AOAH: variants seen among roughly 807,000 people sequenced by gnomAD.
AOAH encodes the protein acyloxyacyl hydrolase (neutrophil).
In AOAH, 64 loss-of-function variants were observed where a neutral mutation model predicts 92.2. The observed-to-expected ratio is 0.69, with a 90% CI of 0.57 to 0.86. AOAH has a LOEUF of 0.86. Ranked by LOEUF, AOAH falls within the 40% of genes least tolerant of loss-of-function variation. The pLI, the probability that AOAH is intolerant of heterozygous loss-of-function variation, is 0.00. For synonymous variants in AOAH, 263 were observed against 254.5 expected, an observed-to-expected ratio of 1.03 and a Z score of -0.32; for missense variants, 656 against 694.6, an observed-to-expected ratio of 0.94 and a Z score of 0.62.
chr7:36,579,482 G>A (rs918280356), intron 12 of AOAH, among the ~76,000 whole-genome samples: 22 of 151,936 alleles, frequency 1.4e-4, no homozygotes, highest in African/African-American at 4.6e-4. Context: ...TATTAGTCAG[G>A]GTTCTCTAGA....
At chr7:36,597,926 T>C (rs557396296) in intron 11 of AOAH, 4 of 152,146 alleles carry the variant, frequency 2.6e-5, no homozygotes, top group Non-Finnish European at 4.4e-5. Context: ...AACTCCATGA[T>C]TGGATCTGAC....
chr7:36,569,551 A>T (rs1347539212), intron 13 of AOAH, among the ~76,000 whole-genome samples: 2 of 151,054 alleles, frequency 1.3e-5, no homozygotes, highest in Non-Finnish European at 1.5e-5. Flanking sequence ...TATATATATA[A>T]AACTACCAGA....
chr7:36,536,155 T>C (rs1785045350), intron 16 of AOAH, among the ~76,000 whole-genome samples: 1 of 152,202 alleles, frequency 6.6e-6, no homozygotes, highest in African/African-American at 2.4e-5. Context: ...GTGGGTGCTG[T>C]GGCATCTAAC....
chr7:36,609,338 T>A (rs1791248468), intron 11 of AOAH, among the ~76,000 whole-genome samples: 2 of 152,214 alleles, frequency 1.3e-5, no homozygotes, highest in Admixed American at 1.3e-4. Flanking sequence ...CCCACTGAAA[T>A]CAGAGTAAAT....
intron 4 of AOAH, among the ~76,000 whole-genome samples, chr7:36,650,552 A>G (rs911280227): frequency 3.9e-5 from 6 of 152,200 alleles, no homozygotes; most frequent in African/African-American, 1.4e-4. Flanking sequence ...GTGCTCGTCA[A>G]AAGCGTTATG....
In AOAH at chr7:36,522,200, A is replaced by G. The variant is rs187867599; in HGVS notation, c.1523-85T>C. ...AAGGACAAGGACGTGAGAACTGCCC[A>G]TGCCCTCCCGGGCCCATGTTGACCA... On this transcript the variant is annotated intron_variant, in intron 19 of 20. Coordinates refer to ENST00000617537, the MANE Select transcript of AOAH (RefSeq NM_001637.4). 3.7e-4 allele frequency: 488 copies of G among 1,310,534 alleles called. 4 individuals are homozygous for G. The East Asian group carries it at 0.01, about 28-fold the overall frequency. The allele number at this position is 1,310,534 out of a possible 1,614,324, so 81.2% of individuals were successfully genotyped here.
At chr7:36,612,957 A>T (rs913081482) in intron 11 of AOAH, among the ~76,000 whole-genome samples, 9 of 152,090 alleles carry the variant, frequency 5.9e-5, no homozygotes, top group African/African-American at 2.2e-4. Context: ...CTACTTTTAC[A>T]TTTCTCTTTT....
intron 1 of AOAH, 135 bp downstream of exon 1, chr7:36,723,887 C>A: frequency 1.1e-6 from 1 of 913,356 alleles, no homozygotes; most frequent in South Asian, 1.7e-5. Context: ...TTCTCTGTGT[C>A]AGTGAGGTTA....
chr7:36,659,755 C>CA, intron 3 of AOAH, among the ~76,000 whole-genome samples: 1 of 127,958 alleles, frequency 7.8e-6, no homozygotes, highest in Non-Finnish European at 1.6e-5. Context: ...TTTTTTCTTT[C>CA]TTTTTTTTTT....
intron 10 of AOAH, 35 bp from the exon 11 acceptor site, chr7:36,616,509 C>T (rs1022681822): frequency 3.2e-6 from 5 of 1,582,068 alleles, no homozygotes; most frequent in East Asian, 2.2e-5. Context: ...TATTTATGCA[C>T]TCAAGTAGTT....
chr7:36,618,377 T>C, intron 9 of AOAH, 32 bp from the exon 10 acceptor site: 1 of 1,610,160 alleles, frequency 6.2e-7, no homozygotes, highest in Non-Finnish European at 8.5e-7. Context: ...ATTAGCAGTT[T>C]GGTTTTAAAT....
At chr7:36,579,378 C>G (rs113571578) in intron 12 of AOAH, among the ~76,000 whole-genome samples, 4 of 151,656 alleles carry the variant, frequency 2.6e-5, no homozygotes, top group Admixed American at 6.6e-5. Context: ...CCCCGCCCCC[C>G]CCAAATTGTG....
intron 5 of AOAH, among the ~76,000 whole-genome samples, chr7:36,633,194 G>T (rs187494641): frequency 4.6e-5 from 7 of 152,366 alleles, no homozygotes; most frequent in Admixed American, 4.6e-4. Context: ...GCGGGCCACA[G>T]CCTTGCTAGA....
At chr7:36,552,006 T>A (rs1188486021) in intron 13 of AOAH, among the ~76,000 whole-genome samples, 1 of 152,208 alleles carries the variant, frequency 6.6e-6, no homozygotes, top group African/African-American at 2.4e-5. Context: ...ATTGATCCCA[T>A]CACCCAGGTA....
At chr7:36,647,635 C>T (rs946023120) in intron 4 of AOAH, among the ~76,000 whole-genome samples, 23 of 152,092 alleles carry the variant, frequency 1.5e-4, no homozygotes, top group African/African-American at 2.4e-5. Flanking sequence ...GTTTTAACAC[C>T]TCTATGAGTT....
intron 3 of AOAH, among the ~76,000 whole-genome samples, chr7:36,669,570 AT>A (rs1429948838): frequency 1.3e-5 from 2 of 151,860 alleles, no homozygotes; most frequent in African/African-American, 4.8e-5. Flanking sequence ...TTTAGTAAAG[AT>A]GGGGTTTCAC....
At chr7:36,700,317 C>T (rs1797954752) in intron 1 of AOAH, among the ~76,000 whole-genome samples, 1 of 151,928 alleles carries the variant, frequency 6.6e-6, no homozygotes, top group Non-Finnish European at 1.5e-5. Flanking sequence ...ATTTCTCTTT[C>T]CTCACTCCTT....
chr7:36,597,725 C>T (rs1237062654), intron 11 of AOAH: 1 of 152,234 alleles, frequency 6.6e-6, no homozygotes, highest in African/African-American at 2.4e-5. Flanking sequence ...ACTGCTCTCC[C>T]TTTCACAGGA....
At chr7:36,515,976 C>T (rs1783668480) in intron 20 of AOAH, among the ~76,000 whole-genome samples, 2 of 146,042 alleles carry the variant, frequency 1.4e-5, no homozygotes, top group Non-Finnish European at 3.0e-5. Flanking sequence ...AAACACTACA[C>T]ACACCACACA....
Sources: gnomAD v4.1 joint callset for allele counts (sites outside exome capture counted in the v4.1 genomes callset) on GRCh38, gnomAD v4.1.1 for gene constraint, MANE v1.5 for transcripts, NCBI Gene and HGNC (gene_info 2026-07-23, HGNC 2026-07-21) for gene names.